The following BCAT1 variants were observed in gnomAD, a reference collection of about 807,000 sequenced individuals.
BCAT1 encodes branched-chain-amino-acid aminotransferase, cytosolic.
In BCAT1, 48 loss-of-function variants were observed where a neutral mutation model predicts 52.4. The observed-to-expected ratio is 0.92, with a 90% CI of 0.73 to 1.16. BCAT1 has a LOEUF of 1.16. BCAT1 is among the 50% of genes most tolerant of loss of function. The pLI, the probability that BCAT1 is intolerant of heterozygous loss-of-function variation, is 0.00. For missense variants in BCAT1, 451 were observed against 457.1 expected, an observed-to-expected ratio of 0.99 and a Z score of 0.12; for synonymous variants, 167 against 161.3, an observed-to-expected ratio of 1.04 and a Z score of -0.27.
chr12:24,826,229 C>G (rs796987552), intron 10 of BCAT1, among the ~76,000 whole-genome samples: 1 of 152,130 alleles, frequency 6.6e-6, no homozygotes, highest in Non-Finnish European at 1.5e-5. Context: ...TGTCCTGAAG[C>G]ATTTCCTTAA....
At chr12:24,900,463 C>T (rs1264600091) in intron 2 of BCAT1, among the ~76,000 whole-genome samples, 1 of 151,796 alleles carries the variant, frequency 6.6e-6, no homozygotes, top group South Asian at 2.1e-4. Flanking sequence ...GCATGCAAGC[C>T]GATAGTCTCA....
chr12:24,860,483 T>G (rs561707994), intron 5 of BCAT1, among the ~76,000 whole-genome samples: 67 of 152,348 alleles, frequency 4.4e-4, no homozygotes, highest in African/African-American at 1.5e-3. Context: ...TTCTACCTGA[T>G]TTCTCAAGAA....
At chr12:24,824,270 C>CCTTCCTT (rs200595579) in intron 10 of BCAT1, among the ~76,000 whole-genome samples, 3 of 140,206 alleles carry the variant, frequency 2.1e-5, no homozygotes, top group South Asian at 2.5e-4. Flanking sequence ...TTCCTTCATT[C>CCTTCCTT]CCTCCCTCCC....
intron 5 of BCAT1, among the ~76,000 whole-genome samples, chr12:24,874,416 A>G (rs545451630): frequency 6.6e-6 from 1 of 152,372 alleles, no homozygotes; most frequent in Non-Finnish European, 1.5e-5. Context: ...AGTCCATCCA[A>G]TAGCAGAGCC....
intron 1 of BCAT1, among the ~76,000 whole-genome samples, chr12:24,925,215 C>T (rs760645076): frequency 3.3e-5 from 5 of 152,108 alleles, no homozygotes; most frequent in Admixed American, 6.5e-5. Context: ...GCAAAAAAGA[C>T]GGAGGTTTCC....
At chr12:24,870,799 G>C (rs530201742) in intron 5 of BCAT1, among the ~76,000 whole-genome samples, 67 of 152,276 alleles carry the variant, frequency 4.4e-4, no homozygotes, top group African/African-American at 1.5e-3. Context: ...AGGTCAAGTG[G>C]ATCACCTGAG....
At chr12:24,947,168 C>T (rs1167942418) in intron 1 of BCAT1, among the ~76,000 whole-genome samples, 1 of 6,146 alleles carries the variant, frequency 1.6e-4, no homozygotes, top group Non-Finnish European at 3.7e-4. Context: ...GTCTTCCCTC[C>T]ACACACACAC....
intron 5 of BCAT1, among the ~76,000 whole-genome samples, chr12:24,856,585 G>GAGGA (rs1305858281): frequency 2.0e-5 from 3 of 152,100 alleles, no homozygotes; most frequent in Non-Finnish European, 4.4e-5. Flanking sequence ...AAGGCCCAGA[G>GAGGA]AGGACATAGG....
chr12:24,890,236 G>A (rs1379096229), intron 3 of BCAT1, among the ~76,000 whole-genome samples: 1 of 152,166 alleles, frequency 6.6e-6, no homozygotes, highest in East Asian at 1.9e-4. Context: ...GCCAGGTGAG[G>A]GTGGTTAGGG....
intron 3 of BCAT1, among the ~76,000 whole-genome samples, chr12:24,889,357 C>T (rs1942772808): frequency 6.6e-6 from 1 of 152,190 alleles, no homozygotes; most frequent in Admixed American, 6.5e-5. Flanking sequence ...ATACATCCAC[C>T]ATATCTCCCC....
intron 6 of BCAT1, among the ~76,000 whole-genome samples, chr12:24,844,894 C>CAAAAAAAAAAAAA (rs11318750): frequency 1.2e-3 from 43 of 35,990 alleles, no homozygotes; most frequent in Admixed American, 3.0e-3. Flanking sequence ...GAGACTGTCT[C>CAAAAAAAAAAAAA]AAAAAAAAAA....
At chr12:24,819,223 C>T (rs954525380) in intron 10 of BCAT1, among the ~76,000 whole-genome samples, 9 of 151,998 alleles carry the variant, frequency 5.9e-5, no homozygotes, top group African/African-American at 2.2e-4. Context: ...TGGAACAGAT[C>T]TTTCCAAGCC....
intron 3 of BCAT1, among the ~76,000 whole-genome samples, chr12:24,884,225 C>T (rs774415399): frequency 1.3e-5 from 2 of 152,120 alleles, no homozygotes; most frequent in Non-Finnish European, 2.9e-5. Flanking sequence ...GGACATTATG[C>T]TAAGTGAAAC....
At chr12:24,821,152 T>C (rs188414594) in intron 10 of BCAT1, among the ~76,000 whole-genome samples, 11 of 152,306 alleles carry the variant, frequency 7.2e-5, no homozygotes, top group Middle Eastern at 6.8e-3. Context: ...TAACTTCTTA[T>C]GTAACTAAGT....
At chr12:24,828,455 A>G (rs980954000) in intron 10 of BCAT1, among the ~76,000 whole-genome samples, 1 of 152,180 alleles carries the variant, frequency 6.6e-6, no homozygotes, top group African/African-American at 2.4e-5. Context: ...TTGATCCCAG[A>G]TTTATCCTTA....
chr12:24,869,296 A>G (rs1238200252), intron 5 of BCAT1, among the ~76,000 whole-genome samples: 2 of 152,252 alleles, frequency 1.3e-5, no homozygotes, highest in East Asian at 3.9e-4. Flanking sequence ...AGGAGTGCAC[A>G]CTGGGGAGCC....
At chr12:24,834,721 A>T (rs1282825368) in intron 8 of BCAT1, 3 of 1,052,744 alleles carry the variant, frequency 2.8e-6, no homozygotes, top group East Asian at 1.0e-4. Flanking sequence ...AATTTCTCTC[A>T]GTCTACAATT....
At chr12:24,886,085 G>A (rs1942655731) in intron 3 of BCAT1, among the ~76,000 whole-genome samples, 1 of 152,118 alleles carries the variant, frequency 6.6e-6, no homozygotes, top group African/African-American at 2.4e-5. Flanking sequence ...GAACAAGTGG[G>A]CACTTCAAAT....
At chr12:24,878,758 C>T (rs911895735) in intron 4 of BCAT1, 109 bp from the exon 5 acceptor site, 9 of 1,077,856 alleles carry the variant, frequency 8.3e-6, no homozygotes, top group East Asian at 5.3e-5. Context: ...AATCCCAACA[C>T]AAAAAAATAA....
Sources: gnomAD v4.1 joint callset for allele counts (sites outside exome capture counted in the v4.1 genomes callset) on GRCh38, gnomAD v4.1.1 for gene constraint, MANE v1.5 for transcripts, NCBI Gene and HGNC (gene_info 2026-07-23, HGNC 2026-07-21) for gene names.